Variants in GRIN2B observed in about 807,000 individuals in gnomAD.
GRIN2B encodes the protein glutamate receptor ionotropic, NMDA 2B.
In GRIN2B, 5 loss-of-function variants were observed where a neutral mutation model predicts 114.5. That is an observed-to-expected ratio of 0.04 (90% confidence interval 0.02 to 0.09). The LOEUF (loss-of-function observed/expected upper bound fraction) is 0.09, where lower values mean the gene tolerates loss of function less well. Ranked by LOEUF, GRIN2B falls within the 10% of genes least tolerant of loss-of-function variation. GRIN2B has a pLI of 1.00. For synonymous variants in GRIN2B, 787 were observed against 745.1 expected (o/e 1.06, Z -0.92); for missense variants, 1,108 against 1,943.5 (o/e 0.57, Z 8.08).
At chr12:13,892,673 C>CT (rs1866283675) in intron 2 of GRIN2B, among the ~76,000 whole-genome samples, 1 of 152,192 alleles carries the variant, frequency 6.6e-6, no homozygotes. Context: ...GACACCTCTC[C>CT]TTGTAAATAC....
chr12:13,816,205 C>T (rs1864820252), intron 3 of GRIN2B, among the ~76,000 whole-genome samples: 3 of 152,136 alleles, frequency 2.0e-5, no homozygotes, highest in Admixed American at 1.3e-4. Flanking sequence ...ACAGATCTTG[C>T]ACCTCTAGTT....
chr12:13,538,503 C>T lies in GRIN2B; in HGVS notation c.*24280G>A, dbSNP rs1023362836. ...TCCCACCATAATCCAGATAAATACT[C>T]GCAAGCTTCCTTATTTAAAACTAGA... On this transcript the variant is annotated 3_prime_UTR_variant, in exon 14 of 14. Coordinates refer to ENST00000609686, the MANE Select transcript of GRIN2B (RefSeq NM_000834.5). 6.6e-6 allele frequency: 1 copy of T among 152,146 alleles called. No homozygotes were observed. Among genetic ancestry groups the T allele is most frequent in the Non-Finnish European group, 1.5e-5 (1 of 68,024 alleles). 9.4% of individuals were successfully genotyped at this position (152,146 alleles called of 1,614,324 possible).
At chr12:13,870,132 T>A (rs1865883970) in intron 2 of GRIN2B, among the ~76,000 whole-genome samples, 1 of 152,034 alleles carries the variant, frequency 6.6e-6, no homozygotes, top group Admixed American at 6.6e-5. Flanking sequence ...GGGCAAAAGA[T>A]GTTAGTTCCC....
In GRIN2B at chr12:13,958,621, A is replaced by T. The variant is rs752766067; in HGVS notation, c.-19+21307T>A. 2.0e-5 allele frequency among the ~76,000 whole-genome samples: 3 copies of T among 152,102 alleles called. No individual in the cohort carries two copies. In the East Asian group the frequency reaches 5.8e-4, roughly 29 times the overall value. On this transcript the variant is annotated intron_variant, in intron 2 of 13. Coordinates refer to ENST00000609686, the MANE Select transcript of GRIN2B (RefSeq NM_000834.5). Reference sequence around the variant, plus strand: ...CACTGGTACCTTTTTCTCATACCACATGTCTCATCCCGTGGGCAACCTCTG... The same window carrying T: ...CACTGGTACCTTTTTCTCATACCACTTGTCTCATCCCGTGGGCAACCTCTG...
rs149743669 is a variant in GRIN2B, at chr12:13,849,168, A to G, written c.411+16630T>C. Among the ~76,000 whole-genome samples, 1,171 of 152,152 alleles carry G rather than the reference A, an allele frequency of 7.7e-3. 16 individuals carry two copies. Among genetic ancestry groups the G allele is most frequent in the African/African-American group, 0.027 (1,108 of 41,460 alleles). The stretch of plus-strand genomic sequence containing the variant: ...GCTGGTTAGATGTCTGGAAAAAATG[A>G]CATGGCAGGCAAGCAGGCAAGCAGG... On this transcript the variant is annotated intron_variant, in intron 3 of 13. Coordinates refer to ENST00000609686, the MANE Select transcript of GRIN2B (RefSeq NM_000834.5).
intron 2 of GRIN2B, among the ~76,000 whole-genome samples, chr12:13,938,084 A>G (rs1867160620): frequency 6.6e-6 from 1 of 152,190 alleles, no homozygotes; most frequent in African/African-American, 2.4e-5. Context: ...TAAGAAGACA[A>G]CAGAGGAAAT....
Position 13,951,257 on chromosome 12 carries a change from T to A in GRIN2B, c.-19+28671A>T, listed in dbSNP as rs185103247. 7.7e-3 allele frequency among the ~76,000 whole-genome samples: 1,170 copies of A among 152,308 alleles called. 2 individuals are homozygous for A. The highest frequency in any genetic ancestry group is 0.017 in the Middle Eastern group (5 of 294). Reference sequence around the variant, plus strand: ...CTAAATCTGACAACCCTAGATATAGTACAGGGAACCTCCTGTATGCAGACT... The same window carrying A: ...CTAAATCTGACAACCCTAGATATAGAACAGGGAACCTCCTGTATGCAGACT... On this transcript the variant is annotated intron_variant, in intron 2 of 13. Transcript: ENST00000609686.
chr12:13,651,521 T>C (rs1229207591), intron 5 of GRIN2B, among the ~76,000 whole-genome samples: 1 of 152,154 alleles, frequency 6.6e-6, no homozygotes, highest in Admixed American at 6.6e-5. Context: ...TCAATGAATA[T>C]TAGCTGATTG....
In GRIN2B at chr12:13,563,822, G is replaced by C; in HGVS notation, c.3416C>G (p.Thr1139Arg). ...LRDFYLDQFR[T>R]KENSPHWEHV... ...CTCCCAGTGGGGTGAGTTCTCCTTT[G>C]TTCGGAACTGGTCCAGGTAGAAGTC... is the stretch of plus-strand genomic sequence containing the variant. The change falls in exon 14 of 14, where the codon ACA (threonine) becomes AGA (arginine). Residue 1139 changes from threonine to arginine, a missense_variant. By Grantham distance (71) the Thr-to-Arg change is moderately conservative. Coordinates refer to ENST00000609686, the MANE Select transcript of GRIN2B (RefSeq NM_000834.5). The C allele has an allele frequency of 6.2e-7, 1 of 1,614,164 alleles. No individual in the cohort carries two copies. The highest frequency in any genetic ancestry group is 8.5e-7 in the Non-Finnish European group (1 of 1,180,036).
chr12:13,889,318 C>T (rs971411836), intron 2 of GRIN2B, among the ~76,000 whole-genome samples: 2 of 152,204 alleles, frequency 1.3e-5, no homozygotes, highest in African/African-American at 4.8e-5. Flanking sequence ...TGCAGCAGCA[C>T]ACAATTGTAC....
At chr12:13,773,145 T>A (rs1024262144) in intron 3 of GRIN2B, among the ~76,000 whole-genome samples, 1 of 152,138 alleles carries the variant, frequency 6.6e-6, no homozygotes, top group Non-Finnish European at 1.5e-5. Context: ...CTCACAGACA[T>A]GTACTTGGCA....
chr12:13,928,259 C>A (rs908996276), intron 2 of GRIN2B, among the ~76,000 whole-genome samples: 3 of 149,518 alleles, frequency 2.0e-5, no homozygotes, highest in African/African-American at 7.4e-5. Flanking sequence ...GCTGAGATTG[C>A]GCCATTACAC....
intron 5 of GRIN2B, among the ~76,000 whole-genome samples, chr12:13,659,994 G>A (rs963539572): frequency 1.9e-4 from 29 of 152,144 alleles, no homozygotes; most frequent in African/African-American, 6.0e-4. Context: ...GTATGGCAGC[G>A]GGCAGGCCCC....
At chr12:13,711,465 T>C (rs1482142572) in intron 4 of GRIN2B, among the ~76,000 whole-genome samples, 2 of 152,060 alleles carry the variant, frequency 1.3e-5, no homozygotes, top group Non-Finnish European at 2.9e-5. Flanking sequence ...GAGAAAATTT[T>C]TGCAATCTAC....
Position 13,961,812 on chromosome 12 carries a change from C to A in GRIN2B, c.-19+18116G>T, listed in dbSNP as rs1489539257. 2.0e-5 allele frequency among the ~76,000 whole-genome samples: 3 copies of A among 152,088 alleles called. No homozygotes were observed. In the East Asian group the frequency reaches 5.8e-4, roughly 29 times the overall value. On this transcript the variant is annotated intron_variant, in intron 2 of 13. Transcript: ENST00000609686. The stretch of plus-strand genomic sequence containing the variant: ...AAGAATCACTGGAGTCCCAAGAAGT[C>A]AGAGGCTGTCTTCCTCCCTTAGAGT...
intron 3 of GRIN2B, among the ~76,000 whole-genome samples, chr12:13,842,996 T>C (rs1865407111): frequency 6.8e-6 from 1 of 146,540 alleles, no homozygotes; most frequent in South Asian, 2.1e-4. Context: ...TGTTTTGTTT[T>C]TTTTTAATTT....
chr12:13,835,392 G>T (rs1260282549), intron 3 of GRIN2B, among the ~76,000 whole-genome samples: 3 of 152,126 alleles, frequency 2.0e-5, no homozygotes, highest in African/African-American at 7.2e-5. Context: ...GCACGTGCCT[G>T]GGAAGAAGTT....
Position 13,578,390 on chromosome 12 carries a change from G to A in GRIN2B, c.2011-6426C>T, listed in dbSNP as rs139400678. 1.2e-4 allele frequency among the ~76,000 whole-genome samples: 18 copies of A among 152,266 alleles called. No homozygotes were observed. In the East Asian group the frequency reaches 3.5e-3, roughly 29 times the overall value. Reference sequence around the variant, plus strand: ...TTGGAAACCTCGCTCTGAGAGAATCGGTGCACCATGTCAGAAGTCCAAAAA... The same window carrying A: ...TTGGAAACCTCGCTCTGAGAGAATCAGTGCACCATGTCAGAAGTCCAAAAA... On this transcript the variant is annotated intron_variant, in intron 10 of 13. Transcript: ENST00000609686.
Position 13,546,405 on chromosome 12 carries a change from C to T in GRIN2B, c.*16378G>A, listed in dbSNP as rs1012987587. ...CATTTCTGAGCCATCAATGGCAGCA[C>T]AGCCTCTCCTTCTGCCAGAGCTCAC... On this transcript the variant is annotated 3_prime_UTR_variant, in exon 14 of 14. Transcript: ENST00000609686. 6.6e-6 allele frequency: 1 copy of T among 152,246 alleles called. No individual in the cohort carries two copies. The highest frequency in any genetic ancestry group is 1.5e-5 in the Non-Finnish European group (1 of 68,054). The allele number at this position is 152,246 out of a possible 1,614,324, so 9.4% of individuals were successfully genotyped here.
Sources: gnomAD v4.1 joint callset for allele counts (sites outside exome capture counted in the v4.1 genomes callset) on GRCh38, gnomAD v4.1.1 for gene constraint, MANE v1.5 for transcripts, NCBI Gene and HGNC (gene_info 2026-07-23, HGNC 2026-07-21) for gene names.